Variants in GLIS3 observed in about 807,000 individuals in gnomAD.
The protein encoded by GLIS3 is GLIS family zinc finger 3.
A neutral mutation model predicts 78.6 loss-of-function variants in GLIS3; 53 were observed. The ratio of observed to expected loss-of-function variants is 0.67; its 90% CI spans 0.54 to 0.85. The LOEUF is 0.85. GLIS3 is among the 40% of genes least tolerant of loss of function. The probability of loss-of-function intolerance (pLI) is 0.00; values close to 1 mark genes in which losing one functional copy is unlikely to be tolerated. For synonymous variants in GLIS3, 684 were observed against 509.9 expected, an observed-to-expected ratio of 1.34 and a Z score of -4.60; for missense variants, 1,703 against 1,231.1, an observed-to-expected ratio of 1.38 and a Z score of -5.74.
At chr9:4,101,064 C>T (rs983333334) in intron 4 of GLIS3, among the ~76,000 whole-genome samples, 6 of 152,168 alleles carry the variant, frequency 3.9e-5, no homozygotes, top group African/African-American at 1.2e-4. Flanking sequence ...CGGAAGGCTG[C>T]GGTGGAACAG....
chr9:4,118,784 T>G lies in GLIS3; in HGVS notation c.694A>C (p.Arg232=). 1 of 1,612,118 alleles carries G rather than the reference T, an allele frequency of 6.2e-7. No individual in the cohort carries two copies. The highest frequency in any genetic ancestry group is 8.5e-7 in the Non-Finnish European group (1 of 1,180,008). Residue 232 remains arginine, a synonymous_variant, in exon 4 of 11, where the codon AGG becomes CGG. Transcript: ENST00000381971. The surrounding 1 kb of genome is among the most constrained non-coding windows in gnomAD (Gnocchi z 4.7). ...TGGTTGGAGAGCGAAGGGAGGGCCCTGTAGCCCTGGGACCACTCCTGCTTC... is the reference window on the plus strand; with the variant it reads ...TGGTTGGAGAGCGAAGGGAGGGCCCGGTAGCCCTGGGACCACTCCTGCTTC... The part of the protein sequence containing the change: ...SMKQEWSQGY[R]ALPSLSNHGS...
chr9:4,275,562 C>A (rs1179952727), intron 2 of GLIS3, among the ~76,000 whole-genome samples: 1 of 151,194 alleles, frequency 6.6e-6, no homozygotes, highest in East Asian at 1.9e-4. Flanking sequence ...GAGTTTGAGA[C>A]CATCCTGGGC....
chr9:4,442,037 T>C, the GLIS3 span, among the ~76,000 whole-genome samples: 2 of 152,216 alleles, frequency 1.3e-5, no homozygotes, highest in Non-Finnish European at 2.9e-5. Context: ...TATTAGTCCT[T>C]CTTTAAACGT....
At chr9:4,353,417 A>G in the GLIS3 span, among the ~76,000 whole-genome samples, 1 of 152,316 alleles carries the variant, frequency 6.6e-6, no homozygotes, top group South Asian at 2.1e-4. Flanking sequence ...AACGAGCAGC[A>G]AAACTACTCA....
the GLIS3 span, among the ~76,000 whole-genome samples, chr9:4,458,437 G>C: frequency 1.3e-5 from 2 of 152,124 alleles, no homozygotes; most frequent in African/African-American, 4.8e-5. Context: ...CATAAAGTTA[G>C]GGAGTTCCAA....
chr9:4,311,372 A>G (rs576428050), intron 2 of GLIS3, among the ~76,000 whole-genome samples: 83 of 152,310 alleles, frequency 5.4e-4, no homozygotes, highest in Non-Finnish European at 9.3e-4. Context: ...TAGCACCACT[A>G]CACTCCAGCC....
intron 4 of GLIS3, among the ~76,000 whole-genome samples, chr9:4,060,059 G>A (rs1270738858): frequency 1.3e-5 from 2 of 151,842 alleles, no homozygotes; most frequent in Non-Finnish European, 2.9e-5. Context: ...AAGGTTCCTG[G>A]CCAACCTGGT....
the GLIS3 span, among the ~76,000 whole-genome samples, chr9:4,393,919 C>A: frequency 6.6e-6 from 1 of 151,982 alleles, no homozygotes; most frequent in African/African-American, 2.4e-5. Context: ...TTTCTATGAC[C>A]TTTATGACCC....
the GLIS3 span, among the ~76,000 whole-genome samples, chr9:4,462,151 C>T: frequency 1.3e-5 from 2 of 152,106 alleles, no homozygotes; most frequent in African/African-American, 4.8e-5. Context: ...TATAAAAGGA[C>T]TCCCCAGGGC....
chr9:3,896,680 A>AAAAAAAAAAAAAAAAC (rs1822864317), intron 7 of GLIS3, among the ~76,000 whole-genome samples: 1 of 150,578 alleles, frequency 6.6e-6, no homozygotes, highest in Non-Finnish European at 1.5e-5. Context: ...TAAAAAAAAA[A>AAAAAAAAAAAAAAAAC]AGAAGTAGAG....
intron 4 of GLIS3, among the ~76,000 whole-genome samples, chr9:4,079,810 C>T (rs148348818): frequency 1.3e-5 from 2 of 150,176 alleles, no homozygotes; most frequent in Non-Finnish European, 3.0e-5. Context: ...TCAAAGCACC[C>T]AACACCCAAC....
chr9:4,439,775 C>T, the GLIS3 span, among the ~76,000 whole-genome samples: 1 of 152,248 alleles, frequency 6.6e-6, no homozygotes, highest in South Asian at 2.1e-4. Context: ...ACCTTCCCAA[C>T]TCAGGTGATC....
intron 4 of GLIS3, among the ~76,000 whole-genome samples, chr9:3,979,676 T>C (rs934622689): frequency 6.6e-5 from 10 of 152,172 alleles, no homozygotes; most frequent in African/African-American, 2.4e-4. Flanking sequence ...CCACACAGTT[T>C]TATGGATGTC....
chr9:4,447,340 A>T, the GLIS3 span, among the ~76,000 whole-genome samples: 11 of 151,974 alleles, frequency 7.2e-5, no homozygotes, highest in African/African-American at 2.7e-4. Context: ...GTGAGCTACC[A>T]TGCCTGATAC....
chr9:4,225,628 T>C (rs879345655), intron 2 of GLIS3, among the ~76,000 whole-genome samples: 1 of 152,176 alleles, frequency 6.6e-6, no homozygotes, highest in Non-Finnish European at 1.5e-5. Flanking sequence ...AGAGAAAAGC[T>C]AACTAACTGC....
At chr9:4,159,123 C>T (rs991533318) in intron 2 of GLIS3, among the ~76,000 whole-genome samples, 2 of 151,560 alleles carry the variant, frequency 1.3e-5, no homozygotes, top group Non-Finnish European at 2.9e-5. Context: ...TCACCAGTCT[C>T]AACTTTAGAC....
At chr9:4,071,934 G>C (rs1827645979) in intron 4 of GLIS3, 1 of 152,174 alleles carries the variant, frequency 6.6e-6, no homozygotes, top group Non-Finnish European at 1.5e-5. Context: ...AAACACACCA[G>C]AGGAGGCAAG....
At chr9:4,107,338 T>C (rs1830837246) in intron 4 of GLIS3, among the ~76,000 whole-genome samples, 1 of 152,114 alleles carries the variant, frequency 6.6e-6, no homozygotes, top group African/African-American at 2.4e-5. Flanking sequence ...CCCTTGCAGT[T>C]AGTTGAGGTC....
At chr9:4,162,162 C>T (rs1460220332) in intron 2 of GLIS3, among the ~76,000 whole-genome samples, 1 of 152,148 alleles carries the variant, frequency 6.6e-6, no homozygotes, top group Non-Finnish European at 1.5e-5. Context: ...GTGGTGCTCT[C>T]CCTGTATGTC....
Sources: gnomAD v4.1 joint callset for allele counts (sites outside exome capture counted in the v4.1 genomes callset) on GRCh38, gnomAD v4.1.1 for gene constraint, Gnocchi (gnomAD v3.1) non-coding constraint, MANE v1.5 for transcripts, NCBI Gene and HGNC (gene_info 2026-07-23, HGNC 2026-07-21) for gene names.